PCDHA12: variants seen among roughly 807,000 people sequenced by gnomAD.
PCDHA12 encodes the protein protocadherin alpha-12.
Under a neutral mutation model 60.0 loss-of-function variants are expected in PCDHA12, and 44 were observed. The observed-to-expected ratio is 0.73, with a 90% CI of 0.58 to 0.94. The LOEUF (loss-of-function observed/expected upper bound fraction) is 0.94. PCDHA12 is among the 40% of genes least tolerant of loss of function. The probability of loss-of-function intolerance (pLI) is 0.00; values close to 1 mark genes in which losing one functional copy is unlikely to be tolerated. For missense variants in PCDHA12, 1,276 were observed against 1,239.7 expected (o/e 1.03, Z -0.44); for synonymous variants, 569 against 553.0 (o/e 1.03, Z -0.40).
intron 1 of PCDHA12, among the ~76,000 whole-genome samples, chr5:140,972,667 T>G (rs1442293512): frequency 1.3e-5 from 2 of 149,086 alleles, no homozygotes; most frequent in East Asian, 3.9e-4. Context: ...CAAATTTTTT[T>G]TTTTTTTTTT....
intron 1 of PCDHA12, among the ~76,000 whole-genome samples, chr5:140,938,121 A>C (rs981387543): frequency 6.6e-6 from 1 of 151,892 alleles, no homozygotes; most frequent in South Asian, 2.1e-4. Flanking sequence ...CTCTTTTTTT[A>C]AAAAAATAGA....
intron 1 of PCDHA12, among the ~76,000 whole-genome samples, chr5:140,914,693 G>C (rs1554196535): frequency 7.9e-5 from 12 of 151,662 alleles, no homozygotes; most frequent in Non-Finnish European, 1.8e-4. Flanking sequence ...TTCTCTGGTG[G>C]TATGATTTAA....
chr5:140,992,847 A>G (rs183404145), intron 3 of PCDHA12, among the ~76,000 whole-genome samples: 1 of 152,264 alleles, frequency 6.6e-6, no homozygotes, highest in East Asian at 1.9e-4. Flanking sequence ...TTGTATAACA[A>G]CCAGTTTCAC....
At chr5:140,919,355 A>C (rs2079096245) in intron 1 of PCDHA12, among the ~76,000 whole-genome samples, 1 of 152,174 alleles carries the variant, frequency 6.6e-6, no homozygotes, top group South Asian at 2.1e-4. Flanking sequence ...TTGAATCTAA[A>C]AGTGTCTCCT....
At chr5:140,954,476 G>C (rs1467215585) in intron 1 of PCDHA12, among the ~76,000 whole-genome samples, 1 of 152,192 alleles carries the variant, frequency 6.6e-6, no homozygotes, top group Non-Finnish European at 1.5e-5. Context: ...ACTGGTGTGA[G>C]AAGATATTTC....
intron 1 of PCDHA12, among the ~76,000 whole-genome samples, chr5:140,976,886 AC>A (rs2096735847): frequency 6.6e-6 from 1 of 152,232 alleles, no homozygotes; most frequent in African/African-American, 2.4e-5. Flanking sequence ...GAATTAGGAT[AC>A]ATGCAACAGT....
intron 1 of PCDHA12, among the ~76,000 whole-genome samples, chr5:140,890,741 A>G (rs1346321522): frequency 2.0e-5 from 3 of 152,132 alleles, no homozygotes; most frequent in African/African-American, 7.2e-5. Flanking sequence ...CTTATATACT[A>G]TTTCTGTCAT....
intron 1 of PCDHA12, chr5:140,967,990 G>C: frequency 6.2e-7 from 1 of 1,614,232 alleles, no homozygotes; most frequent in Non-Finnish European, 8.5e-7. Flanking sequence ...AGGCCACACT[G>C]CCTTTCCGAC....
chr5:140,922,939 T>C (rs1206981483), intron 1 of PCDHA12, among the ~76,000 whole-genome samples: 1 of 152,172 alleles, frequency 6.6e-6, no homozygotes, highest in Non-Finnish European at 1.5e-5. Flanking sequence ...CTTCCAGCAA[T>C]GGAAATCCAG....
intron 1 of PCDHA12, among the ~76,000 whole-genome samples, chr5:140,949,849 G>A (rs1381006146): frequency 5.9e-5 from 9 of 151,472 alleles, no homozygotes; most frequent in Admixed American, 2.0e-4. Flanking sequence ...TTCTGTTTCC[G>A]CTTATCTGTT....
intron 1 of PCDHA12, among the ~76,000 whole-genome samples, chr5:140,923,065 TCTC>T: frequency 6.6e-6 from 1 of 152,304 alleles, no homozygotes; most frequent in Non-Finnish European, 1.5e-5. Context: ...AAGAGCTAGG[TCTC>T]CTCATGTCAG....
At chr5:140,899,974 C>A (rs2067653485) in intron 1 of PCDHA12, among the ~76,000 whole-genome samples, 1 of 151,766 alleles carries the variant, frequency 6.6e-6, no homozygotes, top group Non-Finnish European at 1.5e-5. Context: ...TGCCCAGCTA[C>A]TTTTTTGATT....
At chr5:140,914,481 G>A (rs549926889) in intron 1 of PCDHA12, among the ~76,000 whole-genome samples, 3 of 152,120 alleles carry the variant, frequency 2.0e-5, no homozygotes, top group Non-Finnish European at 4.4e-5. Context: ...TAGGTGAAGT[G>A]TTTCTTGTGG....
At chr5:140,978,528 C>T (rs903940636) in intron 1 of PCDHA12, among the ~76,000 whole-genome samples, 1 of 152,192 alleles carries the variant, frequency 6.6e-6, no homozygotes, top group Non-Finnish European at 1.5e-5. Flanking sequence ...GCCAGGCCAG[C>T]AGAACTTGTG....
chr5:140,902,114 A>G (rs2069112413), intron 1 of PCDHA12, among the ~76,000 whole-genome samples: 1 of 151,286 alleles, frequency 6.6e-6, no homozygotes. Flanking sequence ...TTTTTTTAAA[A>G]CTGAGATTAT....
Position 141,010,263 on chromosome 5 carries a change from C to T in PCDHA12, c.*326C>T, listed in dbSNP as rs782479376. On this transcript the variant is annotated 3_prime_UTR_variant, in exon 4 of 4. Transcript: ENST00000398631. Reference sequence around the variant, plus strand: ...AGGTTGGACTCTCTGCCCTGTGCTCCGGGGATCCTGTCTTGATGACACTTG... The same window carrying T: ...AGGTTGGACTCTCTGCCCTGTGCTCTGGGGATCCTGTCTTGATGACACTTG... The T allele has an allele frequency of 8.4e-6, 13 of 1,551,608 alleles. No homozygotes were observed. Among genetic ancestry groups the T allele is most frequent in the African/African-American group, 5.5e-5 (4 of 73,018 alleles).
intron 1 of PCDHA12, among the ~76,000 whole-genome samples, chr5:140,945,046 A>T (rs2093731107): frequency 6.6e-6 from 1 of 152,192 alleles, no homozygotes; most frequent in Non-Finnish European, 1.5e-5. Flanking sequence ...TTGGTCTTAT[A>T]TAAAGAAAAC....
At position 140,877,011 on chromosome 5, in the gene PCDHA12, G is replaced by T; in HGVS notation, c.1539G>T (p.Glu513Asp). ...CGAGCTACGTGTCGGTGCACGCGGA[G>T]AGCGGCAAGGTGTACGCGCTGCAGC... is the stretch of plus-strand genomic sequence containing the variant. ...ALSSYVSVHA[E>D]SGKVYALQPL... is the part of the protein sequence containing the mutation. The change falls in exon 1 of 4, where the codon GAG becomes GAT. Residue 513 changes from glutamate to aspartate, a missense_variant. By Grantham distance (45) the Glu-to-Asp change is conservative. Coordinates refer to ENST00000398631, the MANE Select transcript of PCDHA12 (RefSeq NM_018903.4). The T allele has an allele frequency of 2.5e-6, 4 of 1,612,512 alleles. No individual in the cohort carries two copies.
At chr5:140,987,722 T>C (rs2097265966) in intron 3 of PCDHA12, among the ~76,000 whole-genome samples, 1 of 152,204 alleles carries the variant, frequency 6.6e-6, no homozygotes, top group Admixed American at 6.5e-5. Context: ...GAGTCTATCC[T>C]ACAGCTTCAA....
Sources: allele counts gnomAD v4.1 joint callset (sites outside exome capture counted in the v4.1 genomes callset), GRCh38; gene constraint gnomAD v4.1.1; transcripts MANE v1.5; gene names NCBI Gene and HGNC (gene_info 2026-07-23, HGNC 2026-07-21).